The following ULK4 variants were observed in gnomAD, a reference collection of about 807,000 sequenced individuals.
ULK4 encodes inactive serine/threonine-protein kinase ULK4.
A neutral mutation model predicts 160.6 loss-of-function variants in ULK4; 133 were observed. The observed-to-expected ratio is 0.83, with a 90% CI of 0.72 to 0.96. ULK4 has a LOEUF of 0.96. ULK4 is among the 40% of genes least tolerant of loss of function. The probability of loss-of-function intolerance (pLI) is 0.00; values close to 1 mark genes in which losing one functional copy is unlikely to be tolerated. For missense variants in ULK4, 1,580 were observed against 1,499.5 expected (o/e 1.05, Z -0.89); for synonymous variants, 534 against 539.8 (o/e 0.99, Z 0.15).
intron 30 of ULK4, among the ~76,000 whole-genome samples, chr3:41,634,206 C>T (rs2033861918): frequency 6.6e-6 from 1 of 152,192 alleles, no homozygotes; most frequent in Non-Finnish European, 1.5e-5. Flanking sequence ...ACATGGGGAA[C>T]TTGCTTATAC....
chr3:41,440,186 A>T (rs7626553), intron 34 of ULK4, among the ~76,000 whole-genome samples: 45,965 of 151,916 alleles, frequency 0.3, 7,104 homozygotes, highest in African/African-American at 0.32. Flanking sequence ...GATGATTTTT[A>T]ATTATTTTTC....
intron 17 of ULK4, 59 bp downstream of exon 17, chr3:41,883,815 A>T: frequency 7.0e-7 from 1 of 1,428,174 alleles, no homozygotes; most frequent in Non-Finnish European, 9.9e-7. Context: ...GTTCTAAATT[A>T]CAGAATCAAG....
chr3:41,709,777 C>T (rs905312473), intron 25 of ULK4, among the ~76,000 whole-genome samples: 1 of 151,994 alleles, frequency 6.6e-6, no homozygotes, highest in Non-Finnish European at 1.5e-5. Context: ...TAACTTTTAT[C>T]GAATAAAATA....
At chr3:41,507,737 G>A (rs1230940812) in intron 32 of ULK4, among the ~76,000 whole-genome samples, 1 of 152,000 alleles carries the variant, frequency 6.6e-6, no homozygotes, top group Non-Finnish European at 1.5e-5. Flanking sequence ...ACATTGTGGA[G>A]GTTGAATCCC....
At chr3:41,372,011 T>C (rs1041299307) in intron 35 of ULK4, among the ~76,000 whole-genome samples, 3 of 151,478 alleles carry the variant, frequency 2.0e-5, no homozygotes, top group Non-Finnish European at 4.4e-5. Flanking sequence ...CAAGTATCAA[T>C]AACCGAATCA....
chr3:41,426,827 A>G (rs1466335780), intron 34 of ULK4, among the ~76,000 whole-genome samples: 1 of 152,120 alleles, frequency 6.6e-6, no homozygotes, highest in African/African-American at 2.4e-5. Flanking sequence ...AAAATCTCAA[A>G]TCAATACCCT....
At chr3:41,626,279 A>G (rs565291616) in intron 30 of ULK4, among the ~76,000 whole-genome samples, 1 of 152,122 alleles carries the variant, frequency 6.6e-6, no homozygotes, top group Non-Finnish European at 1.5e-5. Flanking sequence ...AAAATTTTTT[A>G]ATTTATTTAT....
At chr3:41,703,230 A>AAT (rs1163111604) in intron 27 of ULK4, among the ~76,000 whole-genome samples, 2 of 51,296 alleles carry the variant, frequency 3.9e-5, no homozygotes, top group Admixed American at 2.6e-4. Context: ...ACAGCTGCAA[A>AAT]ATATGTATTT....
intron 35 of ULK4, among the ~76,000 whole-genome samples, chr3:41,324,793 G>C (rs553713565): frequency 1.7e-3 from 257 of 152,250 alleles, no homozygotes; most frequent in South Asian, 0.011. Context: ...GCAATACAAC[G>C]GCATCTTCCT....
chr3:41,392,082 TA>T (rs2125808320), intron 35 of ULK4, among the ~76,000 whole-genome samples: 1 of 152,230 alleles, frequency 6.6e-6, no homozygotes, highest in South Asian at 2.1e-4. Context: ...TAGCTTTAAT[TA>T]AAAGACAAGT....
intron 34 of ULK4, among the ~76,000 whole-genome samples, chr3:41,427,959 TA>T (rs1174483039): frequency 6.6e-6 from 1 of 152,040 alleles, no homozygotes; most frequent in East Asian, 1.9e-4. Flanking sequence ...GGTATTAAAA[TA>T]GGAAGATAGG....
intron 31 of ULK4, among the ~76,000 whole-genome samples, chr3:41,601,057 G>A (rs1406403427): frequency 6.6e-6 from 1 of 152,134 alleles, no homozygotes. Context: ...CAATATAATA[G>A]AGTAAAATCA....
intron 1 of ULK4, among the ~76,000 whole-genome samples, chr3:41,960,419 G>C (rs1238302152): frequency 6.6e-6 from 1 of 151,120 alleles, no homozygotes; most frequent in South Asian, 2.1e-4. Flanking sequence ...CTGGTGTGCA[G>C]GGGCAAGATC....
intron 30 of ULK4, among the ~76,000 whole-genome samples, chr3:41,655,605 G>A (rs1314578263): frequency 6.6e-6 from 1 of 152,110 alleles, no homozygotes; most frequent in East Asian, 1.9e-4. Flanking sequence ...TACTCAGGAG[G>A]CTAAGGCAGA....
chr3:41,512,263 G>C (rs985905859), intron 32 of ULK4, among the ~76,000 whole-genome samples: 2 of 152,054 alleles, frequency 1.3e-5, no homozygotes, highest in Non-Finnish European at 2.9e-5. Flanking sequence ...CAACATAGTA[G>C]AAGTTCTAGC....
chr3:41,921,230 T>C (rs1279109201), intron 5 of ULK4, among the ~76,000 whole-genome samples: 1 of 152,064 alleles, frequency 6.6e-6, no homozygotes. Flanking sequence ...GAGAATCACT[T>C]GAACCTAGTA....
intron 32 of ULK4, among the ~76,000 whole-genome samples, chr3:41,550,141 G>A (rs572537492): frequency 1.3e-5 from 2 of 152,140 alleles, no homozygotes; most frequent in Non-Finnish European, 2.9e-5. Context: ...AAACAAAAAT[G>A]AGAAGCAGAA....
chr3:41,900,602 C>T, intron 13 of ULK4, 123 bp downstream of exon 13: 3 of 803,926 alleles, frequency 3.7e-6, no homozygotes, highest in African/African-American at 3.4e-5. Context: ...GCACAAATGA[C>T]ACAGAAGCAG....
At chr3:41,495,649 A>G (rs7373307) in intron 32 of ULK4, among the ~76,000 whole-genome samples, 89,567 of 146,840 alleles carry the variant, frequency 0.61, 27,961 homozygotes, top group Admixed American at 0.71. Context: ...GCAACCTACA[A>G]AATGGGAGAA....
Sources: gnomAD v4.1 joint callset for allele counts (sites outside exome capture counted in the v4.1 genomes callset) on GRCh38, gnomAD v4.1.1 for gene constraint, MANE v1.5 for transcripts, NCBI Gene and HGNC (gene_info 2026-07-23, HGNC 2026-07-21) for gene names.